The following ZNF717 variants were observed in gnomAD, a reference collection of about 807,000 sequenced individuals.
ZNF717 encodes the protein krueppel-like factor X17.
A neutral mutation model predicts 13.8 loss-of-function variants in ZNF717; 9 were observed. That is an observed-to-expected ratio of 0.65 (90% CI 0.39 to 1.14). The LOEUF is 1.14. Ranked by LOEUF, ZNF717 falls within the 50% of genes most tolerant of loss-of-function variation. ZNF717 has a pLI of 0.01. For synonymous variants in ZNF717, 327 were observed against 364.1 expected (o/e 0.90, Z 1.16); for missense variants, 1,040 against 1,080.7 (o/e 0.96, Z 0.53).
At chr3:75,749,377 A>C (rs1056033902) in intron 2 of ZNF717, among the ~76,000 whole-genome samples, 1 of 151,770 alleles carries the variant, frequency 6.6e-6, no homozygotes, top group Non-Finnish European at 1.5e-5. Context: ...ATTCCAGAAC[A>C]CTTCAACGAG....
chr3:75,707,624 C>T (rs1385692973), downstream of ZNF717, among the ~76,000 whole-genome samples: 10 of 152,200 alleles, frequency 6.6e-5, no homozygotes, highest in African/African-American at 1.4e-4. Flanking sequence ...GTGCAGTGCA[C>T]GGTGCACAAG....
chr3:75,734,746 T>C (rs1938934720), downstream of ZNF717, among the ~76,000 whole-genome samples: 1 of 150,864 alleles, frequency 6.6e-6, no homozygotes, highest in Non-Finnish European at 1.5e-5. Flanking sequence ...CTTTTTATTC[T>C]TAATTGACCT....
chr3:75,751,040 G>A lies in ZNF717; in HGVS notation c.58-9304C>T, dbSNP rs1353512102. On this transcript the variant is annotated intron_variant, in intron 2 of 4. Coordinates refer to ENST00000652011, the MANE Select transcript of ZNF717 (RefSeq NM_001290208.3). ...GGTCTGAATGTTTGTCCCTCACACA[G>A]GATTCCAGAATACTGTTGCTGGGTT... is the stretch of plus-strand genomic sequence containing the variant. Among the ~76,000 whole-genome samples, 6 of 152,040 alleles carry A rather than the reference G, an allele frequency of 3.9e-5. No individual in the cohort carries two copies. In the East Asian group the frequency reaches 9.7e-4, roughly 25 times the overall value.
intron 2 of ZNF717, among the ~76,000 whole-genome samples, chr3:75,747,951 C>T (rs1440832342): frequency 3.3e-5 from 5 of 151,942 alleles, no homozygotes; most frequent in Admixed American, 6.6e-5. Context: ...ACTAGCAAGA[C>T]TGATAAAGAA....
Position 75,738,325 on chromosome 3 carries a change from C to T in ZNF717, c.1298G>A (p.Ser433Asn), listed in dbSNP as rs113228636. ...ATGGACAGTAAGCCTTGACTTATGG[C>T]TAAATGCTTCTTCACAATGGTCACA... ...YACDHCEEAF[S>N]HKSRLTVHQR... The change falls in exon 5 of 5, where the codon AGC becomes AAC. Residue 433 changes from serine to asparagine, a missense_variant. By Grantham distance (46) the Ser-to-Asn change is conservative. Transcript: ENST00000652011. 6 of 1,483,590 alleles carry T rather than the reference C, an allele frequency of 4.0e-6. No individual in the cohort carries two copies. In the East Asian group the frequency reaches 1.2e-4, roughly 31 times the overall value. The allele number at this position is 1,483,590 out of a possible 1,614,324, so 91.9% of individuals were successfully genotyped here.
downstream of ZNF717, among the ~76,000 whole-genome samples, chr3:75,729,695 C>T (rs1295436186): frequency 2.7e-5 from 4 of 148,228 alleles, no homozygotes; most frequent in African/African-American, 9.9e-5. Context: ...CTTTAAAGAT[C>T]TTAAAGCACA....
chr3:75,742,977 T>C (rs1240624354), intron 2 of ZNF717, among the ~76,000 whole-genome samples: 1 of 152,236 alleles, frequency 6.6e-6, no homozygotes, highest in Non-Finnish European at 1.5e-5. Flanking sequence ...AAGATGATGA[T>C]GAAACATACA....
intron 5 of ZNF717, among the ~76,000 whole-genome samples, chr3:75,714,024 T>C (rs1937999250): frequency 6.6e-6 from 1 of 152,206 alleles, no homozygotes; most frequent in African/African-American, 2.4e-5. Flanking sequence ...CAGAGACTTT[T>C]AGTACTTTCA....
downstream of ZNF717, among the ~76,000 whole-genome samples, chr3:75,731,171 G>C (rs1445564550): frequency 5.8e-3 from 879 of 152,198 alleles, 36 homozygotes; most frequent in Admixed American, 0.053. Context: ...GAAGTCAGGA[G>C]TTTCAGACCA....
rs1940455106 is a variant in ZNF717, at chr3:75,741,634, T to C, written c.160A>G (p.Thr54Ala). 6.2e-7 allele frequency: 1 copy of C among 1,605,640 alleles called. No individual in the cohort carries two copies. The highest frequency in any genetic ancestry group is 8.5e-7 in the Non-Finnish European group (1 of 1,174,494). The change falls in exon 3 of 5, where the codon ACC (threonine) becomes GCC (alanine). Residue 54 changes from threonine (T) to alanine (A), a missense_variant. Coordinates refer to ENST00000652011, the MANE Select transcript of ZNF717 (RefSeq NM_001290208.3). Reference sequence around the variant, plus strand: ...CCCAATGATACCAGGCTGCTGTAGGTCTCCAGCATCACGTCCCTGTACAGG... The same window carrying C: ...CCCAATGATACCAGGCTGCTGTAGGCCTCCAGCATCACGTCCCTGTACAGG... ...RTLYRDVMLE[T>A]YSSLVSLGHY...
chr3:75,734,440 G>GTTTTTTTGT (rs1294588068), downstream of ZNF717, among the ~76,000 whole-genome samples: 9 of 108,692 alleles, frequency 8.3e-5, no homozygotes, highest in South Asian at 3.6e-4. Flanking sequence ...TTGTTTTTTT[G>GTTTTTTTGT]TTTTTTTTGT....
At chr3:75,704,717 C>A, downstream of ZNF717, among the ~76,000 whole-genome samples, 1 of 152,430 alleles carries the variant, frequency 6.6e-6, no homozygotes, top group Non-Finnish European at 1.5e-5. Context: ...TGTCACCTCT[C>A]TGCTCAGCGC....
chr3:75,732,427 TGG>T (rs1559581223), downstream of ZNF717, among the ~76,000 whole-genome samples: 4,847 of 107,858 alleles, frequency 0.045, no homozygotes, highest in Non-Finnish European at 0.067. Context: ...TGTTCCCTGC[TGG>T]ACCCCCTGCA....
chr3:75,715,640 G>C (rs1156902887), intron 5 of ZNF717, among the ~76,000 whole-genome samples: 1 of 151,008 alleles, frequency 6.6e-6, no homozygotes, highest in Admixed American at 6.6e-5. Context: ...TATTTCTAAA[G>C]ATTATCTCAC....
At chr3:75,757,067 A>G (rs899913249) in intron 2 of ZNF717, among the ~76,000 whole-genome samples, 1 of 152,276 alleles carries the variant, frequency 6.6e-6, no homozygotes, top group Non-Finnish European at 1.5e-5. Flanking sequence ...AGGTTTAGGG[A>G]AAAAAGTCAT....
At chr3:75,756,044 C>A (rs1942443562) in intron 2 of ZNF717, among the ~76,000 whole-genome samples, 1 of 152,234 alleles carries the variant, frequency 6.6e-6, no homozygotes, top group Non-Finnish European at 1.5e-5. Context: ...GGCCACCCTG[C>A]AATAAGCAGG....
chr3:75,757,610 AT>A (rs1462868205), intron 2 of ZNF717, among the ~76,000 whole-genome samples: 1 of 152,222 alleles, frequency 6.6e-6, no homozygotes, highest in Non-Finnish European at 1.5e-5. Flanking sequence ...CTAACCCAAC[AT>A]TCATTCTGCT....
downstream of ZNF717, among the ~76,000 whole-genome samples, chr3:75,726,259 T>C (rs1342759853): frequency 6.6e-6 from 1 of 152,276 alleles, no homozygotes; most frequent in Admixed American, 6.5e-5. Flanking sequence ...AGGGCACATT[T>C]AGATATTTTA....
rs1311540585 is a variant in ZNF717 at position 75,718,842 on chromosome 3, C to T, written n.545-2301G>A. On this transcript the variant is annotated intron_variant and non_coding_transcript_variant, in intron 4 of 5. Coordinates refer to the ZNF717 transcript ENST00000491507. ...CACCTCCTGATGTGCAGCCCGGTTCCTCAGAGGCCACGGGCAATACCTGTC... is the reference window on the plus strand; with the variant it reads ...CACCTCCTGATGTGCAGCCCGGTTCTTCAGAGGCCACGGGCAATACCTGTC... Among the ~76,000 whole-genome samples the T allele has an allele frequency of 3.9e-5, 6 of 152,268 alleles. No homozygotes were observed. In the East Asian group the frequency reaches 1.2e-3, roughly 29 times the overall value.
Sources: gnomAD v4.1 joint callset for allele counts (sites outside exome capture counted in the v4.1 genomes callset) on GRCh38, gnomAD v4.1.1 for gene constraint, MANE v1.5 for transcripts, NCBI Gene and HGNC (gene_info 2026-07-23, HGNC 2026-07-21) for gene names.